Variants in CNBD2 observed in about 807,000 individuals in gnomAD.
CNBD2 encodes the protein cyclic nucleotide-binding domain-containing protein 2.
Under a neutral mutation model 63.7 loss-of-function variants are expected in CNBD2, and 64 were observed. The observed-to-expected ratio is 1.00, with a 90% confidence interval of 0.82 to 1.24. The LOEUF (loss-of-function observed/expected upper bound fraction) is 1.24. Among genes scored for constraint, CNBD2 ranks in the 50% most tolerant of loss-of-function variants. The pLI is 0.00. For synonymous variants in CNBD2, 229 were observed against 255.4 expected (o/e 0.90, Z 0.99); for missense variants, 691 against 713.5 (o/e 0.97, Z 0.36).
chr20:35,985,173 C>A (rs2056651302), intron 6 of CNBD2, among the ~76,000 whole-genome samples: 1 of 151,898 alleles, frequency 6.6e-6, no homozygotes, highest in Non-Finnish European at 1.5e-5. Context: ...GTGGCACATA[C>A]CTATAGTTTC....
At chr20:35,980,419 T>G in intron 3 of CNBD2, 40 bp from the exon 4 acceptor site, 1 of 1,606,544 alleles carries the variant, frequency 6.2e-7, no homozygotes. Flanking sequence ...ATGGGTGAAA[T>G]TGCTGGGTCC....
At chr20:36,009,950 A>T (rs1276683721) in intron 9 of CNBD2, among the ~76,000 whole-genome samples, 1 of 151,484 alleles carries the variant, frequency 6.6e-6, no homozygotes, top group Non-Finnish European at 1.5e-5. Context: ...AAACCAAGGT[A>T]CGGGGAGAGA....
rs190654792 is a variant in CNBD2 at position 36,030,408 on chromosome 20, T to C, written c.1491T>C (p.Phe497=). ...KFLQQNSWNI[F]RKDLLQLLVE... ...TCCAGCAGAACAGCTGGAATATCTT[T>C]CGGAAGGACCTGTTGCAGCTGCTCG... The change falls in exon 12 of 12, where the codon TTT becomes TTC. Residue 497 remains phenylalanine, a synonymous_variant. Coordinates refer to ENST00000373973, the MANE Select transcript of CNBD2 (RefSeq NM_001365709.1). The C allele has an allele frequency of 1.9e-6, 3 of 1,614,128 alleles. No homozygotes were observed. The highest frequency in any genetic ancestry group is 3.3e-5 in the Admixed American group (2 of 60,006).
rs141626287 is a variant in CNBD2, at chr20:35,962,926, G to A, written c.228+5152G>A. Among the ~76,000 whole-genome samples, 14 of 152,264 alleles carry A rather than the reference G, an allele frequency of 9.2e-5. No individual in the cohort carries two copies. In the East Asian group the frequency reaches 2.3e-3, roughly 25 times the overall value. On this transcript the variant is annotated intron_variant, in intron 2 of 4. Coordinates refer to the CNBD2 transcript ENST00000622112. ...TTTCCTTCTTTTTAGGCTCTGGAAC[G>A]GTTGAAGAAACATTGAGGTTGTTTG...
intron 2 of CNBD2, among the ~76,000 whole-genome samples, chr20:35,962,663 C>T (rs1268624219): frequency 1.3e-5 from 2 of 152,142 alleles, no homozygotes; most frequent in Non-Finnish European, 2.9e-5. Context: ...ATAGAAGATC[C>T]TGTGATTATT....
intron 8 of CNBD2, among the ~76,000 whole-genome samples, chr20:35,999,074 T>C (rs1039744563): frequency 1.1e-4 from 17 of 152,294 alleles, no homozygotes; most frequent in Middle Eastern, 3.4e-3. Context: ...TAATATTCTT[T>C]GCTCTAAAAC....
At chr20:35,980,703 C>A in intron 4 of CNBD2, 81 bp downstream of exon 4, 3 of 1,289,052 alleles carry the variant, frequency 2.3e-6, no homozygotes, top group Admixed American at 2.0e-5. Context: ...TGTGGCAGGT[C>A]CTGCCCACCC....
chr20:36,009,347 A>G (rs376864704), intron 9 of CNBD2, among the ~76,000 whole-genome samples: 8 of 150,984 alleles, frequency 5.3e-5, no homozygotes, highest in Admixed American at 5.3e-4. Flanking sequence ...GACTACAGGC[A>G]CCTGCCACTG....
chr20:35,967,077 C>T (rs574068576), upstream of CNBD2, among the ~76,000 whole-genome samples: 44 of 152,226 alleles, frequency 2.9e-4, no homozygotes, highest in African/African-American at 1.1e-3. Context: ...AAACTCTGCC[C>T]CACCTGGAGA....
chr20:35,985,487 C>CT (rs376746279), intron 6 of CNBD2, among the ~76,000 whole-genome samples: 33,314 of 134,174 alleles, frequency 0.25, 4,348 homozygotes, highest in South Asian at 0.43. Flanking sequence ...ACTATAATTC[C>CT]TTTTTTTTTT....
intron 4 of CNBD2, among the ~76,000 whole-genome samples, 194 bp from the exon 5 acceptor site, chr20:35,983,788 G>A (rs1030815426): frequency 3.3e-5 from 5 of 152,174 alleles, no homozygotes; most frequent in Admixed American, 2.0e-4. Flanking sequence ...CAGTTCAACC[G>A]AGGCAGGCAA....
At chr20:36,006,408 T>C (rs2056986219) in intron 8 of CNBD2, among the ~76,000 whole-genome samples, 1 of 151,464 alleles carries the variant, frequency 6.6e-6, no homozygotes, top group Non-Finnish European at 1.5e-5. Flanking sequence ...TATAGTTAAA[T>C]GACAAATTAG....
At chr20:36,006,504 C>A (rs1299140335) in intron 8 of CNBD2, among the ~76,000 whole-genome samples, 1 of 152,302 alleles carries the variant, frequency 6.6e-6, no homozygotes, top group Non-Finnish European at 1.5e-5. Context: ...ACAACCTTGA[C>A]CTCCCAGACT....
intron 8 of CNBD2, among the ~76,000 whole-genome samples, chr20:36,003,847 C>T (rs1397344372): frequency 2.7e-5 from 4 of 150,850 alleles, no homozygotes; most frequent in African/African-American, 9.8e-5. Context: ...TCAAGACCAG[C>T]TTGGAAAACA....
chr20:35,986,913 C>A (rs1015190773), intron 6 of CNBD2, among the ~76,000 whole-genome samples: 7 of 152,188 alleles, frequency 4.6e-5, no homozygotes, highest in African/African-American at 7.2e-5. Context: ...TCCCACTCTC[C>A]AGACCCAGAG....
In CNBD2 at chr20:36,030,464, C is replaced by T; in HGVS notation, c.1547C>T (p.Pro516Leu). 2 of 1,612,834 alleles carry T rather than the reference C, an allele frequency of 1.2e-6. No individual in the cohort carries two copies. The highest frequency in any genetic ancestry group is 1.7e-6 in the Non-Finnish European group (2 of 1,179,628). Reference protein sequence around the residue: ...VEPCQSQLFTPNRPKKREIYN... With the variant: ...VEPCQSQLFTLNRPKKREIYN... ...CCTTGCCAAAGTCAACTGTTCACTC[C>T]AAACCGGCCCAAGAAGAGAGAGATC... Residue 516 changes from proline to leucine, a missense_variant, in exon 12 of 12, where the codon CCA becomes CTA. Physicochemically the swap from Pro to Leu is moderately conservative, Grantham distance 98. Transcript: ENST00000373973.
intron 2 of CNBD2, chr20:35,973,004 A>G (rs1380594328): frequency 1.9e-6 from 1 of 538,384 alleles, no homozygotes. Context: ...GCCTAGCCAC[A>G]GGCAACGCTG....
intron 8 of CNBD2, among the ~76,000 whole-genome samples, chr20:36,002,098 C>G (rs1187120751): frequency 6.6e-6 from 1 of 152,218 alleles, no homozygotes; most frequent in Non-Finnish European, 1.5e-5. Context: ...GCACTCCAGC[C>G]TGGGCACCAT....
At chr20:35,959,289 G>A (rs2056287435), downstream of CNBD2, 2 of 150,900 alleles carry the variant, frequency 1.3e-5, no homozygotes, top group Non-Finnish European at 2.9e-5. Flanking sequence ...GTTCTAGTAT[G>A]TAGTATTTTT....
Sources: allele counts gnomAD v4.1 joint callset (sites outside exome capture counted in the v4.1 genomes callset), GRCh38; gene constraint gnomAD v4.1.1; transcripts MANE v1.5; gene names NCBI Gene and HGNC (gene_info 2026-07-23, HGNC 2026-07-21).